Variants in CENPE observed in about 807,000 individuals in gnomAD.
The protein encoded by CENPE is centromere protein E.
Under a neutral mutation model 336.1 loss-of-function variants are expected in CENPE, and 145 were observed. That is an observed-to-expected ratio of 0.43 (90% confidence interval 0.38 to 0.50). The LOEUF is 0.50. Among genes scored for constraint, CENPE ranks in the 20% least tolerant of loss-of-function variants. The probability of loss-of-function intolerance (pLI) is 0.00; values close to 1 mark genes in which losing one functional copy is unlikely to be tolerated. For synonymous variants in CENPE, 1,013 were observed against 984.8 expected (o/e 1.03, Z -0.54); for missense variants, 2,719 against 3,023.3 (o/e 0.90, Z 2.36).
At chr4:103,134,477 AC>A (rs1236716412) in intron 40 of CENPE, among the ~76,000 whole-genome samples, 1 of 151,940 alleles carries the variant, frequency 6.6e-6, no homozygotes, top group Non-Finnish European at 1.5e-5. Context: ...TACTAAAAAT[AC>A]AAAAAATTAG....
chr4:103,172,354 C>G (rs1755486566), intron 16 of CENPE, among the ~76,000 whole-genome samples: 1 of 151,896 alleles, frequency 6.6e-6, no homozygotes, highest in South Asian at 2.1e-4. Flanking sequence ...GAAAAAAAGT[C>G]ATACAATCAC....
chr4:103,148,602 T>A (rs768532862), intron 28 of CENPE, among the ~76,000 whole-genome samples: 3 of 152,208 alleles, frequency 2.0e-5, no homozygotes, highest in Non-Finnish European at 4.4e-5. Flanking sequence ...GTTCATTTGA[T>A]TGCTTATTTA....
intron 16 of CENPE, among the ~76,000 whole-genome samples, chr4:103,169,587 C>A (rs1175591109): frequency 1.3e-5 from 2 of 152,136 alleles, no homozygotes; most frequent in Non-Finnish European, 2.9e-5. Context: ...TAGCAGTAGA[C>A]TTCTAAGCAG....
chr4:103,136,280 A>G lies in CENPE; in HGVS notation c.6383T>C (p.Ile2128Thr), dbSNP rs1159320779. 6.2e-7 allele frequency: 1 copy of G among 1,613,632 alleles called. No individual in the cohort carries two copies. The highest frequency in any genetic ancestry group is 8.5e-7 in the Non-Finnish European group (1 of 1,179,792). ...CATTGAAAGCTCTTTTTGGAATTCA[A>G]TTTCCTTCTCCAAGTCAAGAGACAA... The part of the protein sequence containing the change: ...NRLSLDLEKE[I>T]EFQKELSMRV... The change falls in exon 40 of 49, where the codon ATT (isoleucine) becomes ACT (threonine). Residue 2128 changes from isoleucine to threonine, a missense_variant. This residue lies in a region of CENPE where 2,437 missense variants were observed against 2,513.3 expected (regional missense o/e 0.97). Coordinates refer to ENST00000265148, the MANE Select transcript of CENPE (RefSeq NM_001813.3).
In CENPE at chr4:103,109,053, C is replaced by A; in HGVS notation, c.7761G>T (p.Trp2587Cys). Residue 2587 changes from tryptophan to cysteine, a missense_variant, in exon 48 of 49, where the codon TGG (tryptophan) becomes TGT (cysteine). Trp to Cys is a radical substitution (Grantham distance 215). Transcript: ENST00000265148. Reference protein sequence around the residue: ...NQHLSNEVKTWKERTLKREAH... With the variant: ...NQHLSNEVKTCKERTLKREAH... Reference sequence around the variant, plus strand: ...CCTCTCTTTTAAGGGTTCTTTCCTTCCAAGTTTTGACCTCATTGGAAAGAT... The same window carrying A: ...CCTCTCTTTTAAGGGTTCTTTCCTTACAAGTTTTGACCTCATTGGAAAGAT... 6.2e-7 allele frequency: 1 copy of A among 1,612,824 alleles called. No homozygotes were observed. The highest frequency in any genetic ancestry group is 8.5e-7 in the Non-Finnish European group (1 of 1,179,574).
At position 103,161,356 on chromosome 4, in the gene CENPE, A is replaced by T; in HGVS notation, c.1944T>A (p.Asn648Lys). Residue 648 changes from asparagine to lysine, a missense_variant, in exon 19 of 49, where the codon AAT becomes AAA. Transcript: ENST00000265148. ...TTACCATTTTCTCCTTCAGCTCCAG[A>T]TTTTCACTTCTAAGAAAGGCTGATT... ...KRESAFLRSE[N>K]LELKEKMKEL... 1.2e-6 allele frequency: 2 copies of T among 1,611,352 alleles called. No individual in the cohort carries two copies.
intron 40 of CENPE, 23 bp downstream of exon 40, chr4:103,136,118 G>C (rs1354490143): frequency 2.6e-6 from 4 of 1,565,756 alleles, no homozygotes; most frequent in Non-Finnish European, 3.5e-6. Context: ...TATTTAAAAG[G>C]ATATTACTAA....
chr4:103,186,597 C>T (rs1456261197), intron 8 of CENPE, among the ~76,000 whole-genome samples: 3 of 152,134 alleles, frequency 2.0e-5, no homozygotes, highest in Admixed American at 2.0e-4. Context: ...TATTATGCTC[C>T]AGGAAGTACA....
intron 13 of CENPE, among the ~76,000 whole-genome samples, chr4:103,177,331 C>A (rs968052579): frequency 8.6e-5 from 13 of 151,884 alleles, no homozygotes; most frequent in African/African-American, 3.1e-4. Flanking sequence ...CTTACCTTAC[C>A]CAGCTGCTGT....
At chr4:103,169,224 A>C (rs1358341806) in intron 16 of CENPE, among the ~76,000 whole-genome samples, 3 of 151,676 alleles carry the variant, frequency 2.0e-5, no homozygotes, top group South Asian at 2.1e-4. Context: ...GAGACAGGCT[A>C]TTTTAAAATA....
rs1257299082 is a variant in CENPE at position 103,153,139 on chromosome 4, T to C, written c.3145A>G (p.Ile1049Val). The C allele has an allele frequency of 1.9e-6, 3 of 1,612,004 alleles. No individual in the cohort carries two copies. In the African/African-American group the frequency reaches 4.0e-5, roughly 22 times the overall value. ...IEQQRKIFSL[I>V]QEKNELQQML... ...TGTTGGAGTTCATTTTTCTCCTGTATTAAAGAAAATATCTTCCTTTGTTGC... is the reference window on the plus strand; with the variant it reads ...TGTTGGAGTTCATTTTTCTCCTGTACTAAAGAAAATATCTTCCTTTGTTGC... The change falls in exon 25 of 49, where the codon ATA becomes GTA. Residue 1049 changes from isoleucine (I) to valine (V), a missense_variant. Coordinates refer to ENST00000265148, the MANE Select transcript of CENPE (RefSeq NM_001813.3).
chr4:103,195,318 TA>T, intron 4 of CENPE, 85 bp from the exon 5 acceptor site: 1 of 1,195,150 alleles, frequency 8.4e-7, no homozygotes, highest in Non-Finnish European at 1.2e-6. Flanking sequence ...CTTAAAGAGG[TA>T]AAATGTATGT....
intron 8 of CENPE, among the ~76,000 whole-genome samples, chr4:103,189,219 G>C (rs1042814128): frequency 2.6e-5 from 4 of 152,132 alleles, no homozygotes; most frequent in African/African-American, 9.7e-5. Context: ...GGTACTAGGA[G>C]GAGCTGGTAC....
At chr4:103,168,221 A>G (rs80300150) in intron 16 of CENPE, among the ~76,000 whole-genome samples, 6,157 of 152,032 alleles carry the variant, frequency 0.04, 180 homozygotes, top group African/African-American at 0.079. Flanking sequence ...CTCAGCTTCA[A>G]TGCCTCTTTG....
rs1193266514 is a variant in CENPE at position 103,163,208 on chromosome 4, T to G, written c.1771A>C (p.Ile591Leu). 3 of 1,608,986 alleles carry G rather than the reference T, an allele frequency of 1.9e-6. No homozygotes were observed. The African/African-American group carries it at 4.0e-5, about 22-fold the overall frequency. Residue 591 changes from isoleucine (I) to leucine (L), a missense_variant, in exon 18 of 49, where the codon ATT becomes CTT. Physicochemically the swap from Ile to Leu is conservative, Grantham distance 5. Coordinates refer to ENST00000265148, the MANE Select transcript of CENPE (RefSeq NM_001813.3). ...VELLREKEDQIKKLQEYIDSQ... is the reference protein window; with the variant it reads ...VELLREKEDQLKKLQEYIDSQ... ...TCTATGTATTCCTGTAGCTTCTTAATCTGGTCTTCCTTTTCTCTAAGCAGC... is the reference window on the plus strand; with the variant it reads ...TCTATGTATTCCTGTAGCTTCTTAAGCTGGTCTTCCTTTTCTCTAAGCAGC...
Position 103,147,451 on chromosome 4 carries a change from G to A in CENPE, c.4039C>T (p.Leu1347=). ...FQESQEEIKS[L]TKERDNLKTI... is the part of the protein sequence containing the mutation. ...TTAAGGTTGTCTCTTTCCTTGGTTA[G>A]AGATTTTATCTCTTCCTGACTTTCT... Residue 1347 remains leucine, a synonymous_variant, in exon 29 of 49, where the codon CTA becomes TTA. Coordinates refer to ENST00000265148, the MANE Select transcript of CENPE (RefSeq NM_001813.3). 6.2e-7 allele frequency: 1 copy of A among 1,614,004 alleles called. No homozygotes were observed. The highest frequency in any genetic ancestry group is 8.5e-7 in the Non-Finnish European group (1 of 1,179,960).
At chr4:103,186,354 T>C (rs549168411) in intron 8 of CENPE, among the ~76,000 whole-genome samples, 13 of 152,354 alleles carry the variant, frequency 8.5e-5, no homozygotes, top group African/African-American at 3.1e-4. Context: ...CTTTGCCTAC[T>C]TTATCCTTCC....
At chr4:103,142,252 T>A (rs1484767194) in intron 34 of CENPE, among the ~76,000 whole-genome samples, 1 of 152,222 alleles carries the variant, frequency 6.6e-6, no homozygotes, top group Non-Finnish European at 1.5e-5. Flanking sequence ...ATACGTTGTG[T>A]TTGTATATAC....
Position 103,176,033 on chromosome 4 carries a change from G to C in CENPE, c.1406C>G (p.Ser469Cys). The change falls in exon 15 of 49, where the codon TCT (serine) becomes TGT (cysteine). Residue 469 changes from serine (S) to cysteine (C), a missense_variant. Ser to Cys is a moderately radical substitution (Grantham distance 112). This residue lies in a region of CENPE where 2,437 missense variants were observed against 2,513.3 expected (regional missense o/e 0.97). Transcript: ENST00000265148. ...REIDESVCSE[S>C]DVFSNTLDTL... The stretch of plus-strand genomic sequence containing the variant: ...ATCAAGAGTGTTACTGAAAACATCA[G>C]ACTCTGAACAGACAGCTATAATTAG... The C allele has an allele frequency of 6.3e-7, 1 of 1,595,324 alleles. No homozygotes were observed. The highest frequency in any genetic ancestry group is 1.1e-5 in the South Asian group (1 of 87,220).
Sources: gnomAD v4.1 joint callset for allele counts (sites outside exome capture counted in the v4.1 genomes callset) on GRCh38, gnomAD v4.1.1 for gene constraint, gnomAD v4.1.1 regional missense constraint, MANE v1.5 for transcripts, NCBI Gene and HGNC (gene_info 2026-07-23, HGNC 2026-07-21) for gene names.